CMIP: variants seen among roughly 807,000 people sequenced by gnomAD.
CMIP encodes the protein C-Maf-inducing protein.
CMIP carries 13 observed loss-of-function variants against 97.3 expected under a neutral mutation model. That is an observed-to-expected ratio of 0.13 (90% CI 0.09 to 0.21). CMIP has a LOEUF of 0.21. Among genes scored for constraint, CMIP ranks in the 10% least tolerant of loss-of-function variants. CMIP has a pLI of 1.00. For synonymous variants in CMIP, 538 were observed against 436.3 expected, an observed-to-expected ratio of 1.23 and a Z score of -2.91; for missense variants, 847 against 1,024.9, an observed-to-expected ratio of 0.83 and a Z score of 2.37.
chr16:81,554,965 G>T lies in CMIP; in HGVS notation c.301-52602G>T, dbSNP rs547161922. Among the ~76,000 whole-genome samples, 189 of 152,248 alleles carry T rather than the reference G, an allele frequency of 1.2e-3. 2 individuals carry two copies. Among genetic ancestry groups the T allele is most frequent in the African/African-American group, 4.3e-3 (177 of 41,554 alleles). On this transcript the variant is annotated intron_variant, in intron 1 of 20. Transcript: ENST00000537098. ...AAGCTCCTAGGGATGCCCCCCAGAA[G>T]GGGGGGTTTTTCCTTGGTCCCTGGT...
chr16:81,533,337 T>C (rs2090277792), intron 1 of CMIP, among the ~76,000 whole-genome samples: 1 of 152,244 alleles, frequency 6.6e-6, no homozygotes, highest in Admixed American at 6.5e-5. Context: ...GAATCATCAG[T>C]CAGTCAAACT....
intron 1 of CMIP, among the ~76,000 whole-genome samples, chr16:81,596,047 C>G (rs1334436899): frequency 6.6e-6 from 1 of 151,674 alleles, no homozygotes; most frequent in Non-Finnish European, 1.5e-5. Flanking sequence ...TTTTTTTTGT[C>G]TACGTTCTTT....
At position 81,652,131 on chromosome 16, in the gene CMIP, TTTGA is replaced by T; in HGVS notation, c.478-68_478-65del. The T allele has an allele frequency of 7.7e-7, 1 of 1,293,784 alleles. No individual in the cohort carries two copies. The highest frequency in any genetic ancestry group is 2.3e-5 in the East Asian group (1 of 43,280). The allele number at this position is 1,293,784 out of a possible 1,614,324, so 80.1% of individuals were successfully genotyped here. On this transcript the variant is annotated intron_variant, in intron 3 of 20. Coordinates refer to ENST00000537098, the MANE Select transcript of CMIP (RefSeq NM_198390.3). The surrounding 1 kb of genome is among the most constrained non-coding windows in gnomAD (Gnocchi z 5.2). ...CTTTACACCCTAACCCATCTGATTC[TTTGA>T]TTGTCTTCCATCTTCTGCCTTCCTT...
At chr16:81,615,968 G>C (rs1453692821) in intron 2 of CMIP, among the ~76,000 whole-genome samples, 1 of 152,052 alleles carries the variant, frequency 6.6e-6, no homozygotes, top group African/African-American at 2.4e-5. Flanking sequence ...AACGGGGGTG[G>C]GGAGGGGACC....
chr16:81,470,138 A>G (rs1331447799), intron 1 of CMIP, among the ~76,000 whole-genome samples: 1 of 152,234 alleles, frequency 6.6e-6, no homozygotes, highest in Admixed American at 6.5e-5. Context: ...AACTTTTGAC[A>G]GTTTCAGTTT....
At chr16:81,564,688 C>T (rs1162352999) in intron 1 of CMIP, among the ~76,000 whole-genome samples, 1 of 152,120 alleles carries the variant, frequency 6.6e-6, no homozygotes, top group Non-Finnish European at 1.5e-5. Context: ...ACAAGCAAGC[C>T]TGGGTGATTC....
At chr16:81,703,753 C>G in intron 17 of CMIP, 186 bp from the exon 18 acceptor site, 1 of 712,918 alleles carries the variant, frequency 1.4e-6, no homozygotes, top group South Asian at 2.0e-5. Context: ...GCAGCCCCTC[C>G]CTCTCTGGCC....
intron 1 of CMIP, among the ~76,000 whole-genome samples, chr16:81,510,353 A>G (rs1028633478): frequency 1.3e-5 from 2 of 152,192 alleles, no homozygotes; most frequent in Non-Finnish European, 2.9e-5. Context: ...TTTTGCTAAT[A>G]ATAATGATGA....
chr16:81,652,361 AG>A lies in CMIP; in HGVS notation c.637del (p.Glu213ArgfsTer5). On this transcript the variant is annotated frameshift_variant and splice_region_variant, in exon 4 of 21. Transcript: ENST00000537098. LOFTEE classifies it high-confidence loss of function. The surrounding 1 kb of genome is among the most constrained non-coding windows in gnomAD (Gnocchi z 5.2). ...PLEIVSKLLS[E>X]NTNLTTQEHE... ...TGGAAATCGTCTCGAAACTGCTCTC[AG>A]AGGTAAAACCCCTCCCCTGGACCCC... The A allele has an allele frequency of 6.2e-7, 1 of 1,612,920 alleles. No individual in the cohort carries two copies. Among genetic ancestry groups the A allele is most frequent in the African/African-American group, 1.3e-5 (1 of 74,998 alleles).
intron 1 of CMIP, among the ~76,000 whole-genome samples, chr16:81,547,647 CT>C (rs1157832744): frequency 2.6e-5 from 4 of 152,000 alleles, no homozygotes; most frequent in African/African-American, 7.3e-5. Flanking sequence ...AGGAAGGGAT[CT>C]CCTCAGAAGC....
At chr16:81,555,768 A>G (rs2090750323) in intron 1 of CMIP, among the ~76,000 whole-genome samples, 1 of 152,170 alleles carries the variant, frequency 6.6e-6, no homozygotes, top group Non-Finnish European at 1.5e-5. Flanking sequence ...AGCATAGATG[A>G]AACCCCTCCG....
chr16:81,641,297 A>G (rs2092304053), intron 3 of CMIP, among the ~76,000 whole-genome samples: 1 of 152,096 alleles, frequency 6.6e-6, no homozygotes, highest in South Asian at 2.1e-4. Context: ...ACCTGCAACA[A>G]ACACCGAGAG....
intron 1 of CMIP, among the ~76,000 whole-genome samples, chr16:81,537,186 G>A (rs1010100437): frequency 4.5e-4 from 68 of 152,298 alleles, no homozygotes; most frequent in Middle Eastern, 6.8e-3. Flanking sequence ...GTTCACGTGT[G>A]AGCCTGCCTT....
intron 2 of CMIP, among the ~76,000 whole-genome samples, chr16:81,609,966 G>T (rs2091804694): frequency 6.6e-6 from 1 of 152,216 alleles, no homozygotes. Context: ...GACACTAGAG[G>T]AATCAGTGTG....
intron 13 of CMIP, chr16:81,695,569 G>A (rs1029583376): frequency 1.3e-5 from 2 of 152,162 alleles, no homozygotes; most frequent in African/African-American, 4.8e-5. Flanking sequence ...GAGGAGGTGG[G>A]GAAAAGTCCT....
chr16:81,707,102 C>A lies in CMIP; in HGVS notation c.2268+18C>A. The A allele has an allele frequency of 1.2e-6, 2 of 1,606,084 alleles. No individual in the cohort carries two copies. The highest frequency in any genetic ancestry group is 1.7e-4 in the Middle Eastern group (1 of 6,038). On this transcript the variant is annotated intron_variant, in intron 20 of 20. Coordinates refer to ENST00000537098, the MANE Select transcript of CMIP (RefSeq NM_198390.3). ...ATCTGAAGGTAATTCCCTCCTTCCT[C>A]CCCACTCTCCTCCCCTCCTTCTTCT...
intron 1 of CMIP, among the ~76,000 whole-genome samples, chr16:81,482,574 G>A (rs1255463223): frequency 6.6e-6 from 1 of 152,218 alleles, no homozygotes; most frequent in African/African-American, 2.4e-5. Flanking sequence ...TGAGCCTGGT[G>A]GACATGCGTG....
chr16:81,483,112 G>A (rs1278621276), intron 1 of CMIP, among the ~76,000 whole-genome samples: 2 of 152,254 alleles, frequency 1.3e-5, no homozygotes, highest in African/African-American at 2.4e-5. Flanking sequence ...GAGGACAGAA[G>A]TATTGGTATG....
intron 1 of CMIP, among the ~76,000 whole-genome samples, chr16:81,570,592 C>CTGAT (rs1567585912): frequency 6.6e-6 from 1 of 152,196 alleles, no homozygotes; most frequent in East Asian, 1.9e-4. Flanking sequence ...AGTCTCCAGA[C>CTGAT]TGATCCCCTT....
Sources: gnomAD v4.1 joint callset for allele counts (sites outside exome capture counted in the v4.1 genomes callset) on GRCh38, gnomAD v4.1.1 for gene constraint, Gnocchi (gnomAD v3.1) non-coding constraint, MANE v1.5 for transcripts, NCBI Gene and HGNC (gene_info 2026-07-23, HGNC 2026-07-21) for gene names.